The following CLYBL variants were observed in gnomAD, a reference collection of about 807,000 sequenced individuals.
CLYBL encodes the protein citramalyl-CoA lyase.
A neutral mutation model predicts 38.9 loss-of-function variants in CLYBL; 31 were observed. The ratio of observed to expected loss-of-function variants is 0.80; its 90% CI spans 0.60 to 1.08. The LOEUF (loss-of-function observed/expected upper bound fraction) is 1.08. CLYBL is among the 50% of genes least tolerant of loss of function. The pLI is 0.00. For missense variants in CLYBL, 434 were observed against 411.6 expected, an observed-to-expected ratio of 1.05 and a Z score of -0.47; for synonymous variants, 171 against 158.6, an observed-to-expected ratio of 1.08 and a Z score of -0.59.
intron 1 of CLYBL, among the ~76,000 whole-genome samples, chr13:99,732,651 T>C (rs1053593202): frequency 2.0e-5 from 3 of 152,206 alleles, no homozygotes; most frequent in African/African-American, 7.2e-5. Context: ...AACATACCTA[T>C]TAACTCAAGG....
intron 1 of CLYBL, among the ~76,000 whole-genome samples, chr13:99,645,840 T>C (rs1313034031): frequency 1.3e-5 from 2 of 152,132 alleles, no homozygotes; most frequent in Non-Finnish European, 2.9e-5. Flanking sequence ...TAACTTGACA[T>C]GATTCCATTT....
In CLYBL at chr13:99,695,568, G is replaced by GGCGT. The variant is rs1164677925; in HGVS notation, c.63-77255_63-77254insCGTG. Among the ~76,000 whole-genome samples the GGCGT allele has an allele frequency of 3.4e-4, 52 of 152,140 alleles. No homozygotes were observed. The East Asian group carries it at 7.3e-3, about 21-fold the overall frequency. On this transcript the variant is annotated intron_variant, in intron 1 of 8. Transcript: ENST00000339105. Reference sequence around the variant, plus strand: ...GGAGTCTCCCTCTGTCGCCCAGGCTGGAGTGCAGTGGCGTGATCTTGGCTC... The same window carrying GGCGT: ...GGAGTCTCCCTCTGTCGCCCAGGCTGGCGTGAGTGCAGTGGCGTGATCTTGGCTC...
chr13:99,615,407 A>G (rs371195325), intron 1 of CLYBL, among the ~76,000 whole-genome samples: 1 of 152,226 alleles, frequency 6.6e-6, no homozygotes, highest in Non-Finnish European at 1.5e-5. Context: ...GGGAGGAGCT[A>G]TTAGTACGTT....
intron 8 of CLYBL, among the ~76,000 whole-genome samples, chr13:99,902,463 T>G (rs923940185): frequency 6.6e-6 from 1 of 152,236 alleles, no homozygotes. Flanking sequence ...ACACTGCCTA[T>G]GAAAATCAGC....
chr13:99,882,381 G>A (rs984442593), intron 7 of CLYBL, among the ~76,000 whole-genome samples: 4 of 152,102 alleles, frequency 2.6e-5, no homozygotes, highest in East Asian at 1.9e-4. Flanking sequence ...TGGGCCAGGC[G>A]CGGTGGCTCA....
At chr13:99,718,176 G>C (rs1021981562) in intron 1 of CLYBL, among the ~76,000 whole-genome samples, 1 of 152,024 alleles carries the variant, frequency 6.6e-6, no homozygotes, top group Non-Finnish European at 1.5e-5. Context: ...ACCTCTCCCA[G>C]CCTCAGAAGC....
At chr13:99,774,063 C>T (rs1363791988) in intron 2 of CLYBL, among the ~76,000 whole-genome samples, 1 of 133,732 alleles carries the variant, frequency 7.5e-6, no homozygotes, top group Non-Finnish European at 1.6e-5. Flanking sequence ...AACCCCATTT[C>T]TACCAAAAAA....
At chr13:99,781,512 G>T (rs1490400806) in intron 2 of CLYBL, among the ~76,000 whole-genome samples, 2 of 152,072 alleles carry the variant, frequency 1.3e-5, no homozygotes, top group Non-Finnish European at 2.9e-5. Context: ...CTTGTTGCTT[G>T]TTGCCCAGGC....
intron 1 of CLYBL, among the ~76,000 whole-genome samples, chr13:99,610,187 C>CGACT (rs2046605037): frequency 6.6e-6 from 1 of 152,182 alleles, no homozygotes; most frequent in Admixed American, 6.5e-5. Context: ...TAGGCATGAA[C>CGACT]GACTGCACCT....
chr13:99,751,409 C>T (rs533595008), intron 1 of CLYBL, among the ~76,000 whole-genome samples: 2 of 152,066 alleles, frequency 1.3e-5, no homozygotes, highest in South Asian at 2.1e-4. Flanking sequence ...TTAGTAGAGA[C>T]GGAGTTTTGC....
At chr13:99,866,637 C>CT (rs61652863) in intron 6 of CLYBL, among the ~76,000 whole-genome samples, 67,076 of 143,844 alleles carry the variant, frequency 0.47, 16,016 homozygotes, top group East Asian at 0.86. Context: ...ATATTAGTTG[C>CT]TTTTTTTTTT....
chr13:99,876,056 A>G (rs2052030725), intron 7 of CLYBL, among the ~76,000 whole-genome samples: 1 of 143,628 alleles, frequency 7.0e-6, no homozygotes, highest in Non-Finnish European at 1.5e-5. Context: ...AAATCATATC[A>G]TATTCTATTT....
Position 99,866,399 on chromosome 13 carries a change from G to A in CLYBL, c.794G>A (p.Gly265Asp). 6.2e-7 allele frequency: 1 copy of A among 1,611,720 alleles called. No individual in the cohort carries two copies. Among genetic ancestry groups the A allele is most frequent in the South Asian group, 1.1e-5 (1 of 90,566 alleles). The stretch of plus-strand genomic sequence containing the variant: ...CAGTCACGAGAAGGAGCCGCCATGG[G>A]CTTCACTGGTATGATTCCTGTCTTA... ...LRQSREGAAM[G>D]FTGKQVIHPN... Residue 265 changes from glycine (G) to aspartate (D), a missense_variant, in exon 6 of 9, where the codon GGC (glycine) becomes GAC (aspartate). Gly to Asp is a moderately conservative substitution (Grantham distance 94, BLOSUM62 -1). Coordinates refer to ENST00000339105, the MANE Select transcript of CLYBL (RefSeq NM_206808.5).
intron 2 of CLYBL, among the ~76,000 whole-genome samples, chr13:99,800,544 G>T (rs2050111218): frequency 1.3e-5 from 2 of 152,120 alleles, no homozygotes; most frequent in African/African-American, 4.8e-5. Flanking sequence ...GCCTGGAAAG[G>T]CTCACCTGAG....
At position 99,711,951 on chromosome 13, in the gene CLYBL, G is replaced by A. The variant is rs192705820; in HGVS notation, c.63-60873G>A. On this transcript the variant is annotated intron_variant, in intron 1 of 8. Coordinates refer to ENST00000339105, the MANE Select transcript of CLYBL (RefSeq NM_206808.5). ...AGGCTGGTCTAGAACTCCTGACCTC[G>A]TGATCCACCCGCCTTGGCCTCCCAA... Among the ~76,000 whole-genome samples, 819 of 151,992 alleles carry A rather than the reference G, an allele frequency of 5.4e-3. 4 individuals carry two copies. Among genetic ancestry groups the A allele is most frequent in the Non-Finnish European group, 9.4e-3 (636 of 67,958 alleles).
intron 2 of CLYBL, among the ~76,000 whole-genome samples, chr13:99,824,880 C>A (rs9513671): frequency 0.38 from 57,925 of 152,010 alleles, 11,532 homozygotes; most frequent in East Asian, 0.74. Context: ...ATTTTTCCCT[C>A]ATTATTTGTT....
At chr13:99,609,007 C>CTATT (rs1250766853) in intron 1 of CLYBL, among the ~76,000 whole-genome samples, 1 of 150,410 alleles carries the variant, frequency 6.6e-6, no homozygotes, top group Non-Finnish European at 1.5e-5. Context: ...AAGTTTTTGG[C>CTATT]TATTGTTCTC....
At chr13:99,728,836 G>A (rs1036988458) in intron 1 of CLYBL, among the ~76,000 whole-genome samples, 1 of 152,290 alleles carries the variant, frequency 6.6e-6, no homozygotes, top group East Asian at 1.9e-4. Context: ...TCCCACCTCA[G>A]CCTCCCAAAG....
rs1481320524 is a variant in CLYBL, at chr13:99,849,700, G to C, written c.250-9161G>C. Among the ~76,000 whole-genome samples the C allele has an allele frequency of 6.6e-6, 1 of 152,160 alleles. No homozygotes were observed. Among genetic ancestry groups the C allele is most frequent in the East Asian group, 1.9e-4 (1 of 5,186 alleles). ...TCTTCGCAGAAATACCAAAGGCCTG[G>C]CACATATAGTTAAGGAAAATCCACC... On this transcript the variant is annotated intron_variant, in intron 2 of 8. Transcript: ENST00000339105. The surrounding 1 kb of genome is among the most constrained non-coding windows in gnomAD (Gnocchi z 4.9).
Sources: allele counts gnomAD v4.1 joint callset (sites outside exome capture counted in the v4.1 genomes callset), GRCh38; gene constraint gnomAD v4.1.1; non-coding constraint Gnocchi (gnomAD v3.1); transcripts MANE v1.5; gene names NCBI Gene and HGNC (gene_info 2026-07-23, HGNC 2026-07-21).